MYO1H: variants seen among roughly 807,000 people sequenced by gnomAD.
MYO1H encodes the protein unconventional myosin-Ih.
A neutral mutation model predicts 149.3 loss-of-function variants in MYO1H; 118 were observed. The ratio of observed to expected loss-of-function variants is 0.79; its 90% CI spans 0.68 to 0.92. The LOEUF is 0.92. Among genes scored for constraint, MYO1H ranks in the 40% least tolerant of loss-of-function variants. The pLI is 0.00. For missense variants in MYO1H, 1,212 were observed against 1,280.7 expected, an observed-to-expected ratio of 0.95 and a Z score of 0.82; for synonymous variants, 447 against 465.2, an observed-to-expected ratio of 0.96 and a Z score of 0.50.
At chr12:109,442,343 C>G (rs939242654) in intron 27 of MYO1H, 71 bp downstream of exon 27, 9 of 1,342,956 alleles carry the variant, frequency 6.7e-6, no homozygotes. Context: ...TCCCCTTTCT[C>G]CATAAAGGGC....
At chr12:109,412,018 G>A (rs1329788131) in intron 14 of MYO1H, 33 bp downstream of exon 14, 22 of 1,442,594 alleles carry the variant, frequency 1.5e-5, no homozygotes, top group Non-Finnish European at 3.8e-6. Flanking sequence ...TTTTGCATGG[G>A]GGAAGATGAT....
chr12:109,399,731 G>A (rs1442112066), intron 5 of MYO1H, among the ~76,000 whole-genome samples: 1 of 151,936 alleles, frequency 6.6e-6, no homozygotes, highest in African/African-American at 2.4e-5. Context: ...GGGCAACATA[G>A]TGAGACCCCC....
chr12:109,446,168 G>A (rs1208210671), intron 31 of MYO1H: 8 of 985,340 alleles, frequency 8.1e-6, no homozygotes, highest in Non-Finnish European at 9.6e-6. Flanking sequence ...GATCTAACAA[G>A]CACAGAGGTT....
intron 24 of MYO1H, chr12:109,440,435 G>T: frequency 3.2e-6 from 1 of 310,930 alleles, no homozygotes; most frequent in South Asian, 4.0e-5. Context: ...GGAACTTAGA[G>T]GCGGGGCTGT....
At chr12:109,325,074 T>C in the MYO1H span, among the ~76,000 whole-genome samples, 1 of 152,230 alleles carries the variant, frequency 6.6e-6, no homozygotes, top group African/African-American at 2.4e-5. Context: ...GGCTGCATGG[T>C]ATTCCATGGT....
chr12:109,423,409 G>A (rs537078219), intron 16 of MYO1H, among the ~76,000 whole-genome samples: 10 of 152,290 alleles, frequency 6.6e-5, no homozygotes, highest in African/African-American at 2.2e-4. Flanking sequence ...TGATCCACCC[G>A]CCTTGGTCTC....
intron 1 of MYO1H, among the ~76,000 whole-genome samples, chr12:109,379,501 G>A (rs1028045239): frequency 1.3e-5 from 2 of 152,006 alleles, no homozygotes; most frequent in Admixed American, 6.6e-5. Flanking sequence ...CCTCACTATG[G>A]GATTGTTTTA....
At chr12:109,422,622 A>C (rs1871221714) in intron 16 of MYO1H, among the ~76,000 whole-genome samples, 1 of 152,046 alleles carries the variant, frequency 6.6e-6, no homozygotes, top group Non-Finnish European at 1.5e-5. Flanking sequence ...AAGTCTCCAA[A>C]TCTCTCCCTT....
At chr12:109,360,832 A>G (rs1868728447) in intron 1 of MYO1H, among the ~76,000 whole-genome samples, 1 of 152,214 alleles carries the variant, frequency 6.6e-6, no homozygotes, top group Non-Finnish European at 1.5e-5. Context: ...TAGACATGAG[A>G]CAACCACAGG....
At chr12:109,386,995 C>CGTGTGTGT (rs55675476) in intron 1 of MYO1H, among the ~76,000 whole-genome samples, 1,688 of 141,168 alleles carry the variant, frequency 0.012, 33 homozygotes, top group Non-Finnish European at 0.019. Context: ...ATCTCAAGTT[C>CGTGTGTGT]GTGTGTGTGT....
chr12:109,363,633 A>G (rs147632024), intron 1 of MYO1H, among the ~76,000 whole-genome samples: 5,776 of 150,810 alleles, frequency 0.038, 121 homozygotes, highest in Middle Eastern at 0.06. Context: ...AATCGCTTGA[A>G]CCCAGGAGGC....
intron 1 of MYO1H, among the ~76,000 whole-genome samples, chr12:109,379,770 G>C (rs1249990616): frequency 8.9e-6 from 1 of 112,442 alleles, no homozygotes; most frequent in Non-Finnish European, 1.6e-5. Context: ...GTCTCACTCT[G>C]TCACCAGGCT....
At chr12:109,355,874 ATT>A (rs36092499) in intron 1 of MYO1H, among the ~76,000 whole-genome samples, 1 of 147,508 alleles carries the variant, frequency 6.8e-6, no homozygotes, top group African/African-American at 2.5e-5. Context: ...CGCCCAGCAA[ATT>A]TTTTTTTTTT....
chr12:109,429,367 C>T (rs1043136460), intron 19 of MYO1H, among the ~76,000 whole-genome samples: 8 of 152,034 alleles, frequency 5.3e-5, no homozygotes, highest in Admixed American at 3.9e-4. Flanking sequence ...CCTCCACACC[C>T]GCGGGTTCCA....
intron 3 of MYO1H, 115 bp downstream of exon 3, chr12:109,393,561 A>ATCCATCCATTCATCCATCCC (rs1869763940): frequency 1.5e-6 from 1 of 664,510 alleles, no homozygotes; most frequent in Non-Finnish European, 2.7e-6. Flanking sequence ...CCATCCATCC[A>ATCCATCCATTCATCCATCCC]TCCATCCATC....
chr12:109,370,711 T>C (rs1048231028), intron 1 of MYO1H, among the ~76,000 whole-genome samples: 2 of 152,228 alleles, frequency 1.3e-5, no homozygotes, highest in Non-Finnish European at 2.9e-5. Context: ...CCAGTGGCTT[T>C]AGTTAGAATG....
At chr12:109,372,470 A>AT in intron 1 of MYO1H, among the ~76,000 whole-genome samples, 1 of 152,230 alleles carries the variant, frequency 6.6e-6, no homozygotes, top group Middle Eastern at 3.4e-3. Context: ...CATTTATTGA[A>AT]TAACTCATTT....
intron 14 of MYO1H, among the ~76,000 whole-genome samples, chr12:109,412,831 G>C (rs537281204): frequency 6.6e-6 from 1 of 152,236 alleles, no homozygotes; most frequent in African/African-American, 2.4e-5. Context: ...TGTTGCCCAG[G>C]CTGGAGTGCA....
At chr12:109,387,884 T>TG (rs1224091159) in intron 1 of MYO1H, among the ~76,000 whole-genome samples, 3 of 152,334 alleles carry the variant, frequency 2.0e-5, no homozygotes, top group Admixed American at 6.5e-5. Context: ...GCCCCCTCCA[T>TG]GGTCTCCCAT....
Sources: allele counts gnomAD v4.1 joint callset (sites outside exome capture counted in the v4.1 genomes callset), GRCh38; gene constraint gnomAD v4.1.1; transcripts MANE v1.5; gene names NCBI Gene and HGNC (gene_info 2026-07-23, HGNC 2026-07-21).